AFG2B: variants seen among roughly 807,000 people sequenced by gnomAD.
AFG2B encodes the protein ATPase family gene 2 protein homolog B.
At chr15:45,406,794 A>T in the AFG2B span, among the ~76,000 whole-genome samples, 14 of 152,266 alleles carry the variant, frequency 9.2e-5, no homozygotes, top group African/African-American at 3.4e-4. Flanking sequence ...TAAATAATTT[A>T]TACCTTGCCT....
chr15:45,403,420 G>T, the AFG2B span: 2 of 1,609,438 alleles, frequency 1.2e-6, no homozygotes, highest in Non-Finnish European at 1.7e-6. Flanking sequence ...GCTGCTGGAC[G>T]GCGCCAGTGG....
At chr15:45,404,480 A>T in the AFG2B span, among the ~76,000 whole-genome samples, 1 of 133,004 alleles carries the variant, frequency 7.5e-6, no homozygotes, top group Admixed American at 8.8e-5. Flanking sequence ...TGGTTCACTA[A>T]ATTGTCGTAC....
chr15:45,415,248 G>GCCT, the AFG2B span, among the ~76,000 whole-genome samples: 1 of 152,048 alleles, frequency 6.6e-6, no homozygotes, highest in Non-Finnish European at 1.5e-5. Context: ...TGTAATCCCA[G>GCCT]CACTTTGGGA....
the AFG2B span, among the ~76,000 whole-genome samples, chr15:45,420,694 TAAAAA>T: frequency 6.7e-6 from 1 of 148,768 alleles, no homozygotes; most frequent in Non-Finnish European, 1.5e-5. Context: ...CATATATTGT[TAAAAA>T]AAAAAGAAAA....
the AFG2B span, among the ~76,000 whole-genome samples, chr15:45,419,692 T>C: frequency 6.6e-6 from 1 of 151,972 alleles, no homozygotes; most frequent in Non-Finnish European, 1.5e-5. Context: ...TTGGGCCCTT[T>C]CCCAACCTCT....
the AFG2B span, among the ~76,000 whole-genome samples, chr15:45,413,877 A>G: frequency 2.6e-5 from 4 of 152,262 alleles, no homozygotes; most frequent in Admixed American, 1.3e-4. Context: ...GTTTTTTTGC[A>G]TCTGTAAAAT....
the AFG2B span, among the ~76,000 whole-genome samples, chr15:45,420,621 A>G: frequency 6.6e-6 from 1 of 152,174 alleles, no homozygotes; most frequent in Non-Finnish European, 1.5e-5. Context: ...GTTTTTAGTG[A>G]CATGAAAATT....
At chr15:45,418,464 G>C in the AFG2B span, 1 of 1,313,294 alleles carries the variant, frequency 7.6e-7, no homozygotes, top group Non-Finnish European at 1.0e-6. Context: ...TCGGTAATGT[G>C]AAAGGAAACT....
At chr15:45,410,540 ATAATCTACT>A in the AFG2B span, 1 of 1,595,198 alleles carries the variant, frequency 6.3e-7, no homozygotes, top group South Asian at 1.1e-5. Context: ...GGTAAGACAG[ATAATCTACT>A]TAATCCAGTA....
At chr15:45,406,873 C>G in the AFG2B span, among the ~76,000 whole-genome samples, 1 of 152,208 alleles carries the variant, frequency 6.6e-6, no homozygotes. Context: ...TCTAGTTGAT[C>G]TTTTAAGTCT....
chr15:45,415,615 C>T, the AFG2B span: 1 of 1,613,916 alleles, frequency 6.2e-7, no homozygotes, highest in Non-Finnish European at 8.5e-7. Flanking sequence ...GCAAGCACTC[C>T]AGCAATTTTG....
chr15:45,420,703 AAG>A, the AFG2B span, among the ~76,000 whole-genome samples: 1 of 152,028 alleles, frequency 6.6e-6, no homozygotes, highest in African/African-American at 2.4e-5. Context: ...TTAAAAAAAA[AAG>A]AAAAGAAGCC....
chr15:45,419,217 G>T, the AFG2B span, among the ~76,000 whole-genome samples: 1 of 152,178 alleles, frequency 6.6e-6, no homozygotes, highest in African/African-American at 2.4e-5. Context: ...GGAGGCCAAG[G>T]CGAGAGGATT....
the AFG2B span, among the ~76,000 whole-genome samples, chr15:45,404,605 G>A: frequency 1.3e-5 from 2 of 151,772 alleles, no homozygotes; most frequent in African/African-American, 4.8e-5. Flanking sequence ...TCAGGAGTTC[G>A]AGACCAGCCT....
chr15:45,405,533 A>T, the AFG2B span: 1 of 1,597,366 alleles, frequency 6.3e-7, no homozygotes, highest in South Asian at 1.1e-5. Flanking sequence ...ATGAACATCT[A>T]TGTTAATCTA....
At chr15:45,417,405 C>A in the AFG2B span, 1 of 1,613,414 alleles carries the variant, frequency 6.2e-7, no homozygotes, top group South Asian at 1.1e-5. Flanking sequence ...ACAAGGTAGT[C>A]ATTTACACAT....
At chr15:45,415,540 A>G in the AFG2B span, 1 of 1,444,934 alleles carries the variant, frequency 6.9e-7, no homozygotes, top group Non-Finnish European at 9.6e-7. Context: ...ATATCACATG[A>G]CTAATGTATA....
chr15:45,402,904 C>T, the AFG2B span: 3 of 1,598,284 alleles, frequency 1.9e-6, no homozygotes, highest in African/African-American at 1.3e-5. Context: ...CGCTCCTGGC[C>T]TGGTGGCTGC....
At chr15:45,417,039 G>A in the AFG2B span, 2 of 398,914 alleles carry the variant, frequency 5.0e-6, no homozygotes, top group Non-Finnish European at 9.1e-6. Context: ...TATGGAGAAT[G>A]TTTCTCTTAG....
Sources: allele counts gnomAD v4.1 joint callset (sites outside exome capture counted in the v4.1 genomes callset), GRCh38; gene constraint gnomAD v4.1.1; transcripts MANE v1.5; gene names NCBI Gene and HGNC (gene_info 2026-07-23, HGNC 2026-07-21).